CHD2: variants seen among roughly 807,000 people sequenced by gnomAD.
The protein encoded by CHD2 is ATP-dependent chromatin remodeler CHD2.
In CHD2, 28 loss-of-function variants were observed where a neutral mutation model predicts 243.9. That is an observed-to-expected ratio of 0.11 (90% CI 0.09 to 0.16). The LOEUF (loss-of-function observed/expected upper bound fraction) is 0.16. CHD2 is among the 10% of genes least tolerant of loss of function. The pLI is 1.00. For synonymous variants in CHD2, 775 were observed against 779.0 expected (o/e 0.99, Z 0.09); for missense variants, 1,386 against 2,209.8 (o/e 0.63, Z 7.47).
chr15:92,931,033 A>G (rs2053157485), intron 5 of CHD2, among the ~76,000 whole-genome samples: 1 of 152,116 alleles, frequency 6.6e-6, no homozygotes, highest in Non-Finnish European at 1.5e-5. Context: ...TAATTAGGGG[A>G]GGTCTTGTAG....
intron 2 of CHD2, chr15:92,902,628 G>A (rs7165956): frequency 6.5e-6 from 1 of 152,906 alleles, no homozygotes; most frequent in Admixed American, 6.5e-5. Flanking sequence ...AGTTTGTAGT[G>A]CTGTCTTAAT....
At chr15:92,961,931 G>A (rs1270033677) in intron 16 of CHD2, among the ~76,000 whole-genome samples, 1 of 125,108 alleles carries the variant, frequency 8.0e-6, no homozygotes, top group Non-Finnish European at 1.6e-5. Flanking sequence ...TGCCCAGGCT[G>A]GAGTGCAGGG....
At chr15:92,953,335 TA>T (rs748463853) in intron 13 of CHD2, 21 bp from the exon 14 acceptor site, 1 of 1,605,442 alleles carries the variant, frequency 6.2e-7, no homozygotes, top group Non-Finnish European at 8.5e-7. Context: ...TTTTTGTTTT[TA>T]TTTATTTTTT....
chr15:92,902,502 T>C (rs2052543029), intron 2 of CHD2: 1 of 237,796 alleles, frequency 4.2e-6, no homozygotes, highest in African/African-American at 2.2e-5. Context: ...TTTGAAAGTT[T>C]TGAACATGAT....
At chr15:93,000,190 C>T (rs375578714) in intron 31 of CHD2, among the ~76,000 whole-genome samples, 17 of 152,096 alleles carry the variant, frequency 1.1e-4, no homozygotes, top group South Asian at 4.1e-4. Context: ...CGCTTGAACC[C>T]GGGAGGCAGA....
chr15:93,027,797 T>A lies in CHD2; in HGVS notation c.*3092T>A, dbSNP rs1467326898. The A allele has an allele frequency of 2.6e-5, 4 of 152,642 alleles. No individual in the cohort carries two copies. The East Asian group carries it at 7.7e-4, about 29-fold the overall frequency. The allele number at this position is 152,642 out of a possible 1,614,324, so 9.5% of individuals were successfully genotyped here. On this transcript the variant is annotated 3_prime_UTR_variant, in exon 39 of 39. Transcript: ENST00000394196. Reference sequence around the variant, plus strand: ...CACTCATCTGGGGACAGATGGTTTTTCTTTATTGTAAAATTGTGGACTTTT... The same window carrying A: ...CACTCATCTGGGGACAGATGGTTTTACTTTATTGTAAAATTGTGGACTTTT...
At chr15:92,993,771 C>A (rs1324037711) in intron 28 of CHD2, among the ~76,000 whole-genome samples, 2 of 152,088 alleles carry the variant, frequency 1.3e-5, no homozygotes, top group South Asian at 2.1e-4. Flanking sequence ...GTAAGTGAGA[C>A]CTTGTCTCTA....
chr15:92,946,320 G>A, intron 12 of CHD2, 104 bp downstream of exon 12: 1 of 911,750 alleles, frequency 1.1e-6, no homozygotes, highest in Non-Finnish European at 1.5e-6. Context: ...AATGATGATT[G>A]CCATTTTGAA....
At chr15:92,988,590 C>T (rs1030903527) in intron 26 of CHD2, among the ~76,000 whole-genome samples, 2 of 152,130 alleles carry the variant, frequency 1.3e-5, no homozygotes, top group African/African-American at 2.4e-5. Flanking sequence ...ACAATGGATT[C>T]TCTATTTTGG....
intron 7 of CHD2, among the ~76,000 whole-genome samples, chr15:92,940,948 A>ATAAATATATATAAAATATATAT (rs2053366800): frequency 1.5e-5 from 2 of 130,004 alleles, no homozygotes; most frequent in African/African-American, 5.8e-5. Flanking sequence ...AATATATATA[A>ATAAATATATATAAAATATATAT]ATATAAATAT....
intron 4 of CHD2, 39 bp downstream of exon 4, chr15:92,927,369 C>T: frequency 3.6e-6 from 5 of 1,392,426 alleles, no homozygotes; most frequent in Non-Finnish European, 5.1e-6. Flanking sequence ...ATTTAAACTC[C>T]CTATCTTACT....
chr15:92,980,640 C>T (rs1167730987), intron 22 of CHD2, among the ~76,000 whole-genome samples, 175 bp from the exon 23 acceptor site: 2 of 152,150 alleles, frequency 1.3e-5, no homozygotes, highest in Non-Finnish European at 2.9e-5. Context: ...TTTAGGGTTA[C>T]CATCACAGAC....
At chr15:92,953,321 GA>G in intron 13 of CHD2, 35 bp from the exon 14 acceptor site, 1 of 1,580,692 alleles carries the variant, frequency 6.3e-7, no homozygotes, top group Non-Finnish European at 8.7e-7. Flanking sequence ...GTGAACTAAT[GA>G]TTTTTTTGTT....
Position 92,960,664 on chromosome 15 carries a change from G to A in CHD2, c.2000+4015G>A, listed in dbSNP as rs2053673076. On this transcript the variant is annotated intron_variant, in intron 16 of 38. Coordinates refer to ENST00000394196, the MANE Select transcript of CHD2 (RefSeq NM_001271.4). ...TACTTTCTATGCATTGCTAGATTCA[G>A]TTGGCTAATATTTTGTTAAAGATTT... Among the ~76,000 whole-genome samples the A allele has an allele frequency of 2.2e-5, 3 of 135,980 alleles. No homozygotes were observed. In the South Asian group the frequency reaches 7.1e-4, roughly 32 times the overall value. 89.2% of individuals were successfully genotyped at this position (135,980 alleles called of 152,430 possible). A position where few individuals can be genotyped will look rare whatever the true frequency, so the allele number is the denominator to read the frequency against.
chr15:92,903,104 AAGAT>A (rs2052553749), intron 2 of CHD2, among the ~76,000 whole-genome samples: 3 of 152,356 alleles, frequency 2.0e-5, no homozygotes, highest in Admixed American at 1.3e-4. Flanking sequence ...CTTTGAAAAG[AAGAT>A]AGTTACTTTT....
chr15:92,967,628 C>T (rs1023136638), intron 17 of CHD2, 115 bp downstream of exon 17: 73 of 623,986 alleles, frequency 1.2e-4, no homozygotes, highest in Middle Eastern at 4.9e-4. Flanking sequence ...CAGAGTCTCG[C>T]GATTCTGCTG....
At chr15:92,930,523 G>A (rs574992971) in intron 5 of CHD2, among the ~76,000 whole-genome samples, 1 of 152,012 alleles carries the variant, frequency 6.6e-6, no homozygotes, top group South Asian at 2.1e-4. Context: ...GCCTTGGCTT[G>A]CTGGACTTAA....
intron 2 of CHD2, among the ~76,000 whole-genome samples, chr15:92,904,233 A>G (rs1403083365): frequency 1.3e-5 from 2 of 152,178 alleles, no homozygotes; most frequent in Non-Finnish European, 2.9e-5. Flanking sequence ...TGACAGACAT[A>G]CTGCATTGCA....
intron 16 of CHD2, among the ~76,000 whole-genome samples, chr15:92,962,822 GTATC>G (rs1213914214): frequency 1.3e-5 from 2 of 152,090 alleles, no homozygotes; most frequent in Non-Finnish European, 2.9e-5. Flanking sequence ...TGTTAGGTAT[GTATC>G]CATTCATAAC....
Sources: allele counts gnomAD v4.1 joint callset (sites outside exome capture counted in the v4.1 genomes callset), GRCh38; gene constraint gnomAD v4.1.1; transcripts MANE v1.5; gene names NCBI Gene and HGNC (gene_info 2026-07-23, HGNC 2026-07-21).